Variants in TRAPPC8 observed in about 807,000 individuals in gnomAD.
The protein encoded by TRAPPC8 is trafficking protein particle complex subunit 8, also known as general sporulation gene 1 homolog.
A neutral mutation model predicts 174.3 loss-of-function variants in TRAPPC8; 54 were observed. The observed-to-expected ratio is 0.31, with a 90% CI of 0.25 to 0.39. The LOEUF is 0.39. Among genes scored for constraint, TRAPPC8 ranks in the 10% least tolerant of loss-of-function variants. The pLI is 1.00. For missense variants in TRAPPC8, 1,531 were observed against 1,699.1 expected (o/e 0.90, Z 1.74); for synonymous variants, 630 against 579.9 (o/e 1.09, Z -1.24).
chr18:31,912,429 T>C (rs1196885846), intron 5 of TRAPPC8, among the ~76,000 whole-genome samples: 1 of 151,706 alleles, frequency 6.6e-6, no homozygotes, highest in African/African-American at 2.4e-5. Context: ...AAGTGGAGGG[T>C]TGCAGTGAGC....
intron 9 of TRAPPC8, among the ~76,000 whole-genome samples, chr18:31,902,778 C>T (rs1163898224): frequency 6.6e-6 from 1 of 151,952 alleles, no homozygotes; most frequent in African/African-American, 2.4e-5. Context: ...TGGCCAGGCG[C>T]GGTGGCTCAC....
chr18:31,842,440 T>A (rs190892764), intron 26 of TRAPPC8, among the ~76,000 whole-genome samples: 41 of 152,310 alleles, frequency 2.7e-4, no homozygotes, highest in African/African-American at 9.4e-4. Flanking sequence ...ATTAGTGAGG[T>A]AACATAAATG....
chr18:31,851,087 TAAA>T (rs1437780773), intron 24 of TRAPPC8, among the ~76,000 whole-genome samples: 1 of 152,100 alleles, frequency 6.6e-6, no homozygotes, highest in Non-Finnish European at 1.5e-5. Flanking sequence ...AAGCAAATGA[TAAA>T]AGAAGTACAA....
chr18:31,884,418 A>C (rs186184715), intron 12 of TRAPPC8, among the ~76,000 whole-genome samples: 5 of 152,320 alleles, frequency 3.3e-5, no homozygotes, highest in Admixed American at 3.3e-4. Flanking sequence ...GTGTGTGTAT[A>C]TATTTATGAT....
In TRAPPC8 at chr18:31,836,824, C is replaced by G. The variant is rs868224917; in HGVS notation, c.3983+2488G>C. ...TCGCCCAGGCTGGACTGCAGTGGCA[C>G]GATCTCGGCTCACTGCAAGCTCCGC... On this transcript the variant is annotated intron_variant, in intron 27 of 28. Coordinates refer to ENST00000283351, the MANE Select transcript of TRAPPC8 (RefSeq NM_014939.5). 7.4e-5 allele frequency among the ~76,000 whole-genome samples: 11 copies of G among 148,034 alleles called. No homozygotes were observed. In the South Asian group the frequency reaches 1.3e-3, roughly 17 times the overall value.
intron 2 of TRAPPC8, among the ~76,000 whole-genome samples, chr18:31,929,340 A>G (rs2037755890): frequency 6.6e-6 from 1 of 152,070 alleles, no homozygotes; most frequent in South Asian, 2.1e-4. Context: ...GATCACTTGA[A>G]CATAGTGAGA....
chr18:31,893,996 C>T (rs1043325855), intron 11 of TRAPPC8, among the ~76,000 whole-genome samples: 5 of 152,164 alleles, frequency 3.3e-5, no homozygotes, highest in Non-Finnish European at 5.9e-5. Context: ...GATTCTAACG[C>T]ACAATCCAGT....
At position 31,866,973 on chromosome 18, in the gene TRAPPC8, T is replaced by C; in HGVS notation, c.2466A>G (p.Ala822=). 1 of 1,613,096 alleles carries C rather than the reference T, an allele frequency of 6.2e-7. No individual in the cohort carries two copies. Among genetic ancestry groups the C allele is most frequent in the Non-Finnish European group, 8.5e-7 (1 of 1,179,526 alleles). Residue 822 remains alanine (A), a splice_region_variant and synonymous_variant, in exon 18 of 29, where the codon GCA becomes GCG. Transcript: ENST00000283351. ...FLINGEESKV[A]RLKLFPHHIG... is the part of the protein sequence containing the mutation. ...TGTGATGGGGAAAGAGCTTTAGTCT[T>C]GCCTGTGGAGATATTTAAGTCAGTC...
intron 12 of TRAPPC8, among the ~76,000 whole-genome samples, chr18:31,877,650 C>T (rs939463696): frequency 1.4e-5 from 2 of 146,962 alleles, no homozygotes; most frequent in African/African-American, 2.5e-5. Flanking sequence ...TGGCCAGGCA[C>T]GGTGGCTCAC....
chr18:31,882,658 T>A (rs62095544), intron 12 of TRAPPC8, among the ~76,000 whole-genome samples: 22 of 151,664 alleles, frequency 1.5e-4, no homozygotes, highest in Middle Eastern at 3.4e-3. Context: ...GCTCTGTCGC[T>A]CAGGTTGGAG....
chr18:31,904,338 T>C (rs1391328635), intron 9 of TRAPPC8, among the ~76,000 whole-genome samples: 1 of 151,836 alleles, frequency 6.6e-6, no homozygotes, highest in Non-Finnish European at 1.5e-5. Context: ...TCACCTGAAG[T>C]CTGGAGTTCG....
intron 2 of TRAPPC8, among the ~76,000 whole-genome samples, chr18:31,929,092 G>A (rs1482641547): frequency 6.6e-6 from 1 of 151,568 alleles, no homozygotes; most frequent in African/African-American, 2.4e-5. Context: ...TGAGGCAGGA[G>A]AATCTCTCGA....
intron 26 of TRAPPC8, among the ~76,000 whole-genome samples, chr18:31,844,012 CTCAA>C (rs2033249825): frequency 6.6e-6 from 1 of 152,152 alleles, no homozygotes; most frequent in South Asian, 2.1e-4. Context: ...TCAATATGCT[CTCAA>C]TCAGTTTGGG....
intron 11 of TRAPPC8, chr18:31,896,093 T>C (rs949733780): frequency 1.1e-4 from 16 of 152,276 alleles, no homozygotes; most frequent in African/African-American, 3.4e-4. Flanking sequence ...TAATATAATA[T>C]GACAAGTCAG....
intron 11 of TRAPPC8, among the ~76,000 whole-genome samples, chr18:31,895,148 T>C (rs1345862202): frequency 6.6e-6 from 1 of 152,184 alleles, no homozygotes; most frequent in Admixed American, 6.5e-5. Flanking sequence ...TATGACGGTA[T>C]TAGCAAAAAT....
intron 18 of TRAPPC8, 37 bp from the exon 19 acceptor site, chr18:31,864,818 G>A: frequency 6.4e-7 from 1 of 1,562,456 alleles, no homozygotes; most frequent in Admixed American, 1.9e-5. Flanking sequence ...AAAATAATTT[G>A]GTATGTTAAC....
At chr18:31,896,924 A>C (rs1188241718) in intron 11 of TRAPPC8, among the ~76,000 whole-genome samples, 2 of 152,156 alleles carry the variant, frequency 1.3e-5, no homozygotes, top group African/African-American at 4.8e-5. Flanking sequence ...ATGCCTGGCC[A>C]CAAGTAGATA....
intron 25 of TRAPPC8, among the ~76,000 whole-genome samples, chr18:31,848,618 A>T (rs554797585): frequency 6.6e-6 from 1 of 152,324 alleles, no homozygotes; most frequent in Non-Finnish European, 1.5e-5. Flanking sequence ...ATGTTTATTT[A>T]AAAACATGGT....
chr18:31,854,965 CAAAAAAAAAA>C (rs71175798), intron 21 of TRAPPC8, among the ~76,000 whole-genome samples: 4 of 45,658 alleles, frequency 8.8e-5, no homozygotes, highest in African/African-American at 2.9e-4. Flanking sequence ...GACTCCATCT[CAAAAAAAAAA>C]AAAAAAAAAA....
Sources: allele counts gnomAD v4.1 joint callset (sites outside exome capture counted in the v4.1 genomes callset), GRCh38; gene constraint gnomAD v4.1.1; transcripts MANE v1.5; gene names NCBI Gene and HGNC (gene_info 2026-07-23, HGNC 2026-07-21).